The following NBAS variants were observed in gnomAD, a reference collection of about 807,000 sequenced individuals.
The protein encoded by NBAS is NAG/BC035112 fusion.
Under a neutral mutation model 302.5 loss-of-function variants are expected in NBAS, and 219 were observed. The ratio of observed to expected loss-of-function variants is 0.72; its 90% CI spans 0.65 to 0.81. NBAS has a LOEUF of 0.81. Among genes scored for constraint, NBAS ranks in the 30% least tolerant of loss-of-function variants. The pLI is 0.00. For synonymous variants in NBAS, 1,118 were observed against 1,021.6 expected, an observed-to-expected ratio of 1.09 and a Z score of -1.80; for missense variants, 2,932 against 2,841.6, an observed-to-expected ratio of 1.03 and a Z score of -0.72.
intron 42 of NBAS, among the ~76,000 whole-genome samples, chr2:15,282,555 T>C (rs1393760700): frequency 6.6e-6 from 1 of 152,162 alleles, no homozygotes; most frequent in African/African-American, 2.4e-5. Flanking sequence ...CCCTATGACC[T>C]GGGACCCTCC....
At chr2:14,902,517 GAGA>G in the NBAS span, among the ~76,000 whole-genome samples, 1 of 152,196 alleles carries the variant, frequency 6.6e-6, no homozygotes, top group East Asian at 1.9e-4. Flanking sequence ...TACACACAGA[GAGA>G]AGCTCTGTAT....
the NBAS span, among the ~76,000 whole-genome samples, chr2:14,947,451 C>T: frequency 6.6e-6 from 1 of 151,988 alleles, no homozygotes; most frequent in Admixed American, 6.5e-5. Flanking sequence ...ATACAACCTA[C>T]CAAGATTGAA....
At chr2:14,837,269 AATTCT>A in the NBAS span, among the ~76,000 whole-genome samples, 1 of 151,880 alleles carries the variant, frequency 6.6e-6, no homozygotes, top group Non-Finnish European at 1.5e-5. Context: ...GCCTATGCAA[AATTCT>A]AAACTAAATA....
chr2:15,149,245 T>A, the NBAS span, among the ~76,000 whole-genome samples: 1 of 152,206 alleles, frequency 6.6e-6, no homozygotes. Flanking sequence ...CCACTCCATA[T>A]GCCCTCTTGC....
rs116123919 is a variant in NBAS at position 15,479,295 on chromosome 2, C to A, written c.1084-1006G>T. On this transcript the variant is annotated intron_variant, in intron 12 of 51. Transcript: ENST00000281513. ...TCCTGGTTTACTTAATCATAAGAAA[C>A]GATGACTAAGTTTCGAAAAATCATT... is the stretch of plus-strand genomic sequence containing the variant. Among the ~76,000 whole-genome samples the A allele has an allele frequency of 6.0e-3, 919 of 152,146 alleles. 10 individuals carry two copies. The highest frequency in any genetic ancestry group is 0.02 in the African/African-American group (830 of 41,496).
chr2:14,795,045 T>C, the NBAS span, among the ~76,000 whole-genome samples: 4 of 152,238 alleles, frequency 2.6e-5, no homozygotes, highest in African/African-American at 7.2e-5. Context: ...TTATTTCATA[T>C]AAAGTTGCTA....
intron 9 of NBAS, among the ~76,000 whole-genome samples, chr2:15,522,596 G>C (rs1343515641): frequency 6.6e-6 from 1 of 152,150 alleles, no homozygotes; most frequent in Non-Finnish European, 1.5e-5. Flanking sequence ...CATTAGGTCT[G>C]GATAAGGCTG....
chr2:14,924,891 A>C, the NBAS span, among the ~76,000 whole-genome samples: 1 of 152,198 alleles, frequency 6.6e-6, no homozygotes, highest in Non-Finnish European at 1.5e-5. Context: ...ACACCCTACA[A>C]GAAAGTTAGG....
intron 16 of NBAS, among the ~76,000 whole-genome samples, chr2:15,469,527 C>T (rs537387680): frequency 1.3e-5 from 2 of 152,236 alleles, no homozygotes; most frequent in Admixed American, 6.5e-5. Flanking sequence ...ACTATAAAGA[C>T]ATATGCACAC....
the NBAS span, among the ~76,000 whole-genome samples, chr2:14,952,081 G>A: frequency 6.6e-6 from 1 of 152,158 alleles, no homozygotes; most frequent in South Asian, 2.1e-4. Flanking sequence ...CTACCTCTCA[G>A]AAAGGACCCT....
intron 47 of NBAS, among the ~76,000 whole-genome samples, chr2:15,226,480 C>T (rs1667156491): frequency 6.6e-6 from 1 of 152,094 alleles, no homozygotes; most frequent in South Asian, 2.1e-4. Flanking sequence ...GTTATAAATA[C>T]ACATAAATAA....
rs139729379 is a variant in NBAS at position 15,536,438 on chromosome 2, T to C, written c.627A>G (p.Glu209=). The change falls in exon 8 of 52, where the codon GAA becomes GAG. Residue 209 remains glutamate (E), a synonymous_variant. Coordinates refer to ENST00000281513, the MANE Select transcript of NBAS (RefSeq NM_015909.4). ...TTTACCTTACAAGGTAACTTCTAAGTTCTCCTCGGTAATTGATGACCAGGA... is the reference window on the plus strand; with the variant it reads ...TTTACCTTACAAGGTAACTTCTAAGCTCTCCTCGGTAATTGATGACCAGGA... ...AELLVINYRG[E]LRSYLVSVGT... 1.2e-5 allele frequency: 19 copies of C among 1,613,626 alleles called. No homozygotes were observed. In the African/African-American group the frequency reaches 1.7e-4, roughly 15 times the overall value.
intron 34 of NBAS, 31 bp from the exon 35 acceptor site, chr2:15,352,112 A>G (rs761006302): frequency 2.0e-6 from 3 of 1,501,810 alleles, no homozygotes; most frequent in South Asian, 2.3e-5. Flanking sequence ...ATTGTAAAGG[A>G]GTTACGTTTT....
intron 38 of NBAS, among the ~76,000 whole-genome samples, chr2:15,310,143 AT>A (rs34877362): frequency 6.6e-6 from 1 of 152,196 alleles, no homozygotes. Flanking sequence ...TTAGACTGAC[AT>A]TTAAGTTGTT....
At chr2:15,289,728 T>C (rs1016425532) in intron 41 of NBAS, among the ~76,000 whole-genome samples, 1 of 152,028 alleles carries the variant, frequency 6.6e-6, no homozygotes, top group Non-Finnish European at 1.5e-5. Flanking sequence ...CTGGGCGCGG[T>C]GGCTCATGCC....
At chr2:15,481,902 A>T (rs1021070912) in intron 12 of NBAS, among the ~76,000 whole-genome samples, 3 of 152,090 alleles carry the variant, frequency 2.0e-5, no homozygotes, top group Admixed American at 6.6e-5. Flanking sequence ...ACCTAAAAAC[A>T]TCGCTCTCTC....
the NBAS span, among the ~76,000 whole-genome samples, chr2:15,056,817 CT>C: frequency 6.8e-6 from 1 of 147,352 alleles, no homozygotes; most frequent in Non-Finnish European, 1.5e-5. Context: ...CCTAATTTCC[CT>C]TTTCTTTTTT....
intron 46 of NBAS, among the ~76,000 whole-genome samples, chr2:15,233,917 T>C (rs987343177): frequency 8.5e-5 from 13 of 152,332 alleles, no homozygotes; most frequent in African/African-American, 1.7e-4. Context: ...TTTAGCCTAA[T>C]TGTATTATTC....
At chr2:15,441,436 C>T (rs1315346123) in intron 21 of NBAS, among the ~76,000 whole-genome samples, 1 of 151,816 alleles carries the variant, frequency 6.6e-6, no homozygotes, top group African/African-American at 2.4e-5. Context: ...AAATAAAATA[C>T]TTTACAGACA....
Sources: gnomAD v4.1 joint callset for allele counts (sites outside exome capture counted in the v4.1 genomes callset) on GRCh38, gnomAD v4.1.1 for gene constraint, MANE v1.5 for transcripts, NCBI Gene and HGNC (gene_info 2026-07-23, HGNC 2026-07-21) for gene names.